Variants in ANO4 observed in about 807,000 individuals in gnomAD.
ANO4 encodes the protein anoctamin 4, also known as anoctamin-4.
A neutral mutation model predicts 141.9 loss-of-function variants in ANO4; 69 were observed. The observed-to-expected ratio is 0.49, with a 90% CI of 0.40 to 0.59. ANO4 has a LOEUF of 0.59. Ranked by LOEUF, ANO4 falls within the 20% of genes least tolerant of loss-of-function variation. The pLI is 0.00. For missense variants in ANO4, 894 were observed against 1,162.2 expected, an observed-to-expected ratio of 0.77 and a Z score of 3.36; for synonymous variants, 350 against 394.3, an observed-to-expected ratio of 0.89 and a Z score of 1.33.
intron 26 of ANO4, among the ~76,000 whole-genome samples, chr12:101,124,439 GT>G (rs902036162): frequency 6.6e-6 from 1 of 152,142 alleles, no homozygotes; most frequent in East Asian, 1.9e-4. Context: ...TCTGATGATA[GT>G]TTTTTTGTGC....
At chr12:100,893,008 G>A (rs533734144) in intron 1 of ANO4, among the ~76,000 whole-genome samples, 227 of 152,182 alleles carry the variant, frequency 1.5e-3, no homozygotes, top group African/African-American at 5.2e-3. Flanking sequence ...CCACATTCAG[G>A]GGACATATAT....
intron 3 of ANO4, among the ~76,000 whole-genome samples, chr12:100,776,402 C>A (rs1467056165): frequency 3.3e-5 from 5 of 152,156 alleles, no homozygotes; most frequent in Admixed American, 2.6e-4. Flanking sequence ...TGGTTCATAA[C>A]CACCCCAGGG....
chr12:100,749,072 T>G (rs1288501635), intron 3 of ANO4, among the ~76,000 whole-genome samples: 1 of 152,034 alleles, frequency 6.6e-6, no homozygotes, highest in African/African-American at 2.4e-5. Flanking sequence ...GGAAGGCAAA[T>G]TTGAGTTGAG....
chr12:100,780,494 A>G (rs1051590746), intron 3 of ANO4, among the ~76,000 whole-genome samples: 2 of 152,156 alleles, frequency 1.3e-5, no homozygotes, highest in Admixed American at 1.3e-4. Flanking sequence ...CTGGGAAAGG[A>G]TTAGGTAGCT....
intron 1 of ANO4, among the ~76,000 whole-genome samples, 194 bp from the exon 2 acceptor site, chr12:100,901,452 A>C (rs1189990880): frequency 6.6e-6 from 1 of 152,220 alleles, no homozygotes. Context: ...AAGAATTTTC[A>C]GATTTGACTG....
intron 3 of ANO4, among the ~76,000 whole-genome samples, chr12:100,933,279 C>T (rs1177325886): frequency 1.3e-5 from 2 of 152,060 alleles, no homozygotes; most frequent in Non-Finnish European, 2.9e-5. Context: ...AGCCCCCCAT[C>T]CCACAACAGG....
chr12:101,097,635 T>C lies in ANO4; in HGVS notation c.1851-16T>C. The C allele has an allele frequency of 6.2e-7, 1 of 1,613,388 alleles. No homozygotes were observed. Among genetic ancestry groups the C allele is most frequent in the Non-Finnish European group, 8.5e-7 (1 of 1,179,590 alleles). On this transcript the variant is annotated splice_polypyrimidine_tract_variant and intron_variant, in intron 19 of 27. Transcript: ENST00000392977. The stretch of plus-strand genomic sequence containing the variant: ...ACCTAGAGCACTAATGGCTTGTTTT[T>C]CTCTGTGTGTTGAAGATTTACAGGA...
rs1455167874 is a variant in ANO4, at chr12:100,958,179, C to G, written c.457-13127C>G. ...AACTGCATCTTGTTCATGCCCACCC[C>G]TGAGTGATTTAATGTTGCTGGAAAA... is the stretch of plus-strand genomic sequence containing the variant. On this transcript the variant is annotated intron_variant, in intron 5 of 27. Coordinates refer to ENST00000392977, the MANE Select transcript of ANO4 (RefSeq NM_001286615.2). Among the ~76,000 whole-genome samples, 4 of 152,190 alleles carry G rather than the reference C, an allele frequency of 2.6e-5. No individual in the cohort carries two copies. The East Asian group carries it at 7.7e-4, about 29-fold the overall frequency.
At chr12:100,991,835 T>C (rs201405897) in intron 8 of ANO4, among the ~76,000 whole-genome samples, 5 of 152,170 alleles carry the variant, frequency 3.3e-5, no homozygotes, top group Non-Finnish European at 5.9e-5. Context: ...AGGAGAATCA[T>C]GTAAGTAAAG....
intron 3 of ANO4, among the ~76,000 whole-genome samples, chr12:100,770,962 G>C (rs762860325): frequency 6.6e-5 from 10 of 152,120 alleles, no homozygotes; most frequent in Admixed American, 1.3e-4. Context: ...TGGAGCTGGT[G>C]GGCATTGAGA....
chr12:100,908,242 A>C (rs1375325888), intron 2 of ANO4, among the ~76,000 whole-genome samples: 1 of 152,126 alleles, frequency 6.6e-6, no homozygotes, highest in Non-Finnish European at 1.5e-5. Context: ...CCAGCTACTC[A>C]GGAGGCTGAG....
chr12:100,720,773 A>G (rs1357243248), intron 1 of ANO4, among the ~76,000 whole-genome samples: 1 of 152,186 alleles, frequency 6.6e-6, no homozygotes, highest in Non-Finnish European at 1.5e-5. Context: ...CAGAGTTGTA[A>G]GTAGAAGTGT....
intron 3 of ANO4, among the ~76,000 whole-genome samples, chr12:100,744,048 C>A (rs890539398): frequency 1.3e-5 from 2 of 152,176 alleles, no homozygotes; most frequent in African/African-American, 2.4e-5. Flanking sequence ...TCCTTTCTAT[C>A]CAATCCCCAG....
intron 2 of ANO4, among the ~76,000 whole-genome samples, chr12:100,739,051 A>G (rs1264343718): frequency 2.0e-5 from 3 of 147,074 alleles, no homozygotes; most frequent in Non-Finnish European, 4.5e-5. Context: ...CTTTATATAT[A>G]TATCTAAATC....
chr12:100,984,864 G>A (rs2136323029), intron 7 of ANO4, among the ~76,000 whole-genome samples: 1 of 152,016 alleles, frequency 6.6e-6, no homozygotes, highest in Admixed American at 6.5e-5. Context: ...GGTGCCACAG[G>A]CTGGCTGCTG....
At chr12:101,098,185 C>T (rs1426462564) in intron 21 of ANO4, among the ~76,000 whole-genome samples, 4 of 152,166 alleles carry the variant, frequency 2.6e-5, no homozygotes, top group African/African-American at 9.7e-5. Context: ...ACTCTTTAGG[C>T]CCCTAAATAT....
intron 1 of ANO4, among the ~76,000 whole-genome samples, chr12:100,802,019 C>T (rs1159136531): frequency 6.6e-6 from 1 of 152,056 alleles, no homozygotes; most frequent in Non-Finnish European, 1.5e-5. Context: ...CCCTTTTGCC[C>T]TTGAGGGTAC....
intron 1 of ANO4, among the ~76,000 whole-genome samples, chr12:100,818,219 G>T (rs958704941): frequency 6.6e-6 from 1 of 151,790 alleles, no homozygotes; most frequent in Admixed American, 6.6e-5. Flanking sequence ...AAAAGTTTTG[G>T]AAATGAGCAC....
At chr12:100,721,509 G>T (rs371694839) in intron 1 of ANO4, among the ~76,000 whole-genome samples, 12 of 152,160 alleles carry the variant, frequency 7.9e-5, no homozygotes, top group East Asian at 5.8e-4. Flanking sequence ...AATGTCAGGG[G>T]TGTGAAGGCA....
Sources: allele counts gnomAD v4.1 joint callset (sites outside exome capture counted in the v4.1 genomes callset), GRCh38; gene constraint gnomAD v4.1.1; transcripts MANE v1.5; gene names NCBI Gene and HGNC (gene_info 2026-07-23, HGNC 2026-07-21).